Variants in SNX29 observed in about 807,000 individuals in gnomAD.
SNX29 encodes the protein sorting nexin-29.
A neutral mutation model predicts 102.1 loss-of-function variants in SNX29; 78 were observed. The observed-to-expected ratio is 0.76, with a 90% CI of 0.64 to 0.92. The LOEUF is 0.92. Ranked by LOEUF, SNX29 falls within the 40% of genes least tolerant of loss-of-function variation. The pLI is 0.00. For synonymous variants in SNX29, 580 were observed against 414.5 expected (o/e 1.40, Z -4.85); for missense variants, 1,280 against 1,061.7 (o/e 1.21, Z -2.86).
chr16:12,056,934 G>T (rs910083031), intron 8 of SNX29, among the ~76,000 whole-genome samples: 8 of 147,790 alleles, frequency 5.4e-5, no homozygotes, highest in African/African-American at 1.7e-4. Context: ...TGATCTCCCT[G>T]CCTCAGCCTC....
At chr16:12,555,417 G>A (rs531342529) in intron 20 of SNX29, among the ~76,000 whole-genome samples, 47 of 152,192 alleles carry the variant, frequency 3.1e-4, no homozygotes, top group Non-Finnish European at 8.8e-5. Context: ...TGGCCCCTCA[G>A]GTTGCTTTGT....
At chr16:11,984,386 A>AAGAAT (rs1567492508) in intron 1 of SNX29, among the ~76,000 whole-genome samples, 1 of 150,990 alleles carries the variant, frequency 6.6e-6, no homozygotes. Context: ...AAAAAAAAAA[A>AAGAAT]AGAAAAGATT....
At position 12,571,434 on chromosome 16, in the gene SNX29, G is replaced by A. The variant is rs2079185283; in HGVS notation, c.*2805G>A. On this transcript the variant is annotated 3_prime_UTR_variant, in exon 21 of 21. Transcript: ENST00000566228. ...ATCTGTCTTCTTCTAAGATTACTCG[G>A]AGATTTTCAAACAACATCTGAGAAC... 1 of 235,626 alleles carries A rather than the reference G, an allele frequency of 4.2e-6. No homozygotes were observed. The allele number at this position is 235,626 out of a possible 1,614,324, so 14.6% of individuals were successfully genotyped here.
chr16:12,170,910 A>AT (rs1459034858), intron 13 of SNX29, among the ~76,000 whole-genome samples: 2 of 151,860 alleles, frequency 1.3e-5, no homozygotes, highest in African/African-American at 4.8e-5. Flanking sequence ...GGAGGCCCTG[A>AT]TGGCTGGAGA....
At chr16:12,135,714 CAATAAATTGCTTTCATTCCTTG>C in intron 13 of SNX29, 1 of 870,156 alleles carries the variant, frequency 1.1e-6, no homozygotes, top group Non-Finnish European at 1.6e-6. Flanking sequence ...GTATGTGAGC[CAATAAATTGCTTTCATTCCTTG>C]AGCCATTTGT....
At chr16:12,126,123 T>C (rs1372423966) in intron 11 of SNX29, among the ~76,000 whole-genome samples, 1 of 152,208 alleles carries the variant, frequency 6.6e-6, no homozygotes, top group Non-Finnish European at 1.5e-5. Context: ...ATCCCCTAAC[T>C]CTTGAAAATA....
At chr16:12,241,972 G>C (rs1389030297) in intron 14 of SNX29, among the ~76,000 whole-genome samples, 1 of 152,122 alleles carries the variant, frequency 6.6e-6, no homozygotes, top group African/African-American at 2.4e-5. Flanking sequence ...GCCGACTCCA[G>C]CATGCTCATC....
At chr16:12,259,907 G>T (rs2078683861) in intron 14 of SNX29, among the ~76,000 whole-genome samples, 1 of 150,262 alleles carries the variant, frequency 6.7e-6, no homozygotes, top group Non-Finnish European at 1.5e-5. Context: ...CACATCCAAA[G>T]TGCCCTGCCA....
At chr16:12,482,049 C>T (rs1422791892) in intron 19 of SNX29, among the ~76,000 whole-genome samples, 1 of 152,178 alleles carries the variant, frequency 6.6e-6, no homozygotes, top group East Asian at 1.9e-4. Flanking sequence ...CTTATGCTGG[C>T]CTCACTGGGC....
chr16:12,211,720 C>T (rs894733497), intron 14 of SNX29, among the ~76,000 whole-genome samples: 15 of 152,128 alleles, frequency 9.9e-5, no homozygotes, highest in African/African-American at 2.4e-4. Flanking sequence ...GTCCAAAGGC[C>T]GTCTGGGGGC....
At chr16:12,261,333 G>A (rs1379196525) in intron 14 of SNX29, among the ~76,000 whole-genome samples, 2 of 138,026 alleles carry the variant, frequency 1.4e-5, no homozygotes, top group South Asian at 4.8e-4. Context: ...TCTGAGCTCC[G>A]GTCTGTGCGT....
intron 20 of SNX29, among the ~76,000 whole-genome samples, chr16:12,532,929 C>T (rs1009247687): frequency 3.9e-5 from 6 of 152,250 alleles, no homozygotes; most frequent in Non-Finnish European, 8.8e-5. Context: ...GGCCGTCCTC[C>T]TCTGCTGCCA....
In SNX29 at chr16:12,526,771, C is replaced by G. The variant is rs1015957004; in HGVS notation, c.2318+1930C>G. The G allele has an allele frequency of 7.7e-5, 33 of 428,508 alleles. No homozygotes were observed. The Admixed American group carries it at 1.0e-3, about 13-fold the overall frequency. 26.5% of individuals were successfully genotyped at this position (428,508 alleles called of 1,614,324 possible). On this transcript the variant is annotated intron_variant, in intron 20 of 20. Transcript: ENST00000566228. Reference sequence around the variant, plus strand: ...AGGAGGCGCTGCCCCATCCGCAAGTCAGTGTCCCCCACCCCCTGCGGGGTC... The same window carrying G: ...AGGAGGCGCTGCCCCATCCGCAAGTGAGTGTCCCCCACCCCCTGCGGGGTC...
chr16:12,281,970 A>G (rs555597116), intron 15 of SNX29, among the ~76,000 whole-genome samples: 46 of 151,332 alleles, frequency 3.0e-4, no homozygotes, highest in Non-Finnish European at 5.7e-4. Flanking sequence ...TATAGTCCCC[A>G]GCTACTTGGG....
intron 15 of SNX29, among the ~76,000 whole-genome samples, chr16:12,313,902 A>C (rs149796475): frequency 6.6e-6 from 1 of 152,258 alleles, no homozygotes; most frequent in Admixed American, 6.5e-5. Flanking sequence ...AGGCTCAAAA[A>C]CAACCATCTG....
At chr16:12,288,889 C>T (rs1161102114) in intron 15 of SNX29, among the ~76,000 whole-genome samples, 1 of 152,108 alleles carries the variant, frequency 6.6e-6, no homozygotes, top group Non-Finnish European at 1.5e-5. Context: ...CAAGATTTGA[C>T]CCCCTGACTG....
intron 15 of SNX29, among the ~76,000 whole-genome samples, chr16:12,342,965 C>T (rs946399782): frequency 5.3e-5 from 8 of 152,178 alleles, no homozygotes; most frequent in African/African-American, 1.9e-4. Context: ...GGCAGCTTTA[C>T]GGGAGTGCTG....
intron 8 of SNX29, chr16:12,052,746 G>C (rs1567568865): frequency 1.8e-5 from 3 of 165,222 alleles, no homozygotes; most frequent in African/African-American, 7.2e-5. Flanking sequence ...CAGAATGTGT[G>C]CCTTGAAATT....
chr16:12,249,236 A>T (rs765053883), intron 14 of SNX29, among the ~76,000 whole-genome samples: 1 of 152,152 alleles, frequency 6.6e-6, no homozygotes, highest in Non-Finnish European at 1.5e-5. Context: ...GGCCAACTCA[A>T]TGAAGGCCAA....
Sources: gnomAD v4.1 joint callset for allele counts (sites outside exome capture counted in the v4.1 genomes callset) on GRCh38, gnomAD v4.1.1 for gene constraint, MANE v1.5 for transcripts, NCBI Gene and HGNC (gene_info 2026-07-23, HGNC 2026-07-21) for gene names.